METAP2: variants seen among roughly 807,000 people sequenced by gnomAD.
The protein encoded by METAP2 is methionine aminopeptidase 2.
In METAP2, 25 loss-of-function variants were observed where a neutral mutation model predicts 59.4. That is an observed-to-expected ratio of 0.42 (90% CI 0.31 to 0.59). The LOEUF is 0.59. METAP2 is among the 20% of genes least tolerant of loss of function. The pLI, the probability that METAP2 is intolerant of heterozygous loss-of-function variation, is 0.16. For synonymous variants in METAP2, 214 were observed against 194.1 expected (o/e 1.10, Z -0.85); for missense variants, 366 against 581.2 (o/e 0.63, Z 3.81).
At chr12:95,511,786 C>T (rs1385930479) in intron 8 of METAP2, 109 bp from the exon 9 acceptor site, 6 of 663,436 alleles carry the variant, frequency 9.0e-6, no homozygotes, top group Non-Finnish European at 1.5e-5. Flanking sequence ...TTTAGTAAAG[C>T]CATACCTGGT....
chr12:95,476,360 A>C (rs1194873201), intron 2 of METAP2, among the ~76,000 whole-genome samples, 182 bp downstream of exon 2: 1 of 151,944 alleles, frequency 6.6e-6, no homozygotes, highest in Non-Finnish European at 1.5e-5. Flanking sequence ...GACAAAAAAA[A>C]ATTTAGCCGG....
rs1555193391 is a variant in METAP2, at chr12:95,511,356, G to GTATTTCT, written c.965-537_965-531dup. Among the ~76,000 whole-genome samples the GTATTTCT allele has an allele frequency of 4.8e-5, 5 of 105,240 alleles. No individual in the cohort carries two copies. The Admixed American group carries it at 5.0e-4, about 11-fold the overall frequency. 69.0% of individuals were successfully genotyped at this position (105,240 alleles called of 152,430 possible). A position where few individuals can be genotyped will look rare whatever the true frequency, so the allele number is the denominator to read the frequency against. ...TGACCTCCCTTGTGCCCTTAATCCT[G>GTATTTCT]TATTTCTTTCTTCCATCCTCCCTTC... On this transcript the variant is annotated intron_variant, in intron 8 of 10. Transcript: ENST00000323666.
chr12:95,494,815 T>C lies in METAP2; in HGVS notation c.591-142T>C. On this transcript the variant is annotated intron_variant, in intron 5 of 10. Coordinates refer to ENST00000323666, the MANE Select transcript of METAP2 (RefSeq NM_006838.4). ...TAGCATCAGAGAACTGTTATTTATT[T>C]ATATTCAGAAAGTGCTCAGATCATT... The C allele has an allele frequency of 7.3e-6, 4 of 547,596 alleles. No homozygotes were observed. The South Asian group carries it at 1.6e-4, about 22-fold the overall frequency. The allele number at this position is 547,596 out of a possible 1,614,324, so 33.9% of individuals were successfully genotyped here. A position where few individuals can be genotyped will look rare whatever the true frequency, so the allele number is the denominator to read the frequency against.
chr12:95,493,058 C>T (rs1267883216), intron 4 of METAP2, among the ~76,000 whole-genome samples: 2 of 152,062 alleles, frequency 1.3e-5, no homozygotes, highest in Non-Finnish European at 2.9e-5. Flanking sequence ...CACTAAGTTG[C>T]AAACTGTATA....
intron 4 of METAP2, among the ~76,000 whole-genome samples, chr12:95,486,618 C>T (rs1412906845): frequency 2.0e-5 from 3 of 152,026 alleles, no homozygotes; most frequent in Non-Finnish European, 4.4e-5. Flanking sequence ...CTGCTCCAGC[C>T]TCCCGAGTAG....
At chr12:95,474,722 C>T (rs373038073) in intron 1 of METAP2, among the ~76,000 whole-genome samples, 2 of 152,166 alleles carry the variant, frequency 1.3e-5, no homozygotes, top group East Asian at 1.9e-4. Flanking sequence ...CGTATTGCCG[C>T]GTCTTTGCTG....
intron 8 of METAP2, among the ~76,000 whole-genome samples, chr12:95,505,866 G>A (rs2076355072): frequency 6.6e-6 from 1 of 151,724 alleles, no homozygotes. Flanking sequence ...AGGCCAAAGT[G>A]GGTGGGTCAC....
intron 8 of METAP2, 146 bp downstream of exon 8, chr12:95,504,307 G>A: frequency 1.7e-6 from 1 of 588,448 alleles, no homozygotes; most frequent in Non-Finnish European, 3.0e-6. Flanking sequence ...CATGGTAGGA[G>A]TAGTGTTGTA....
intron 1 of METAP2, 46 bp from the exon 2 acceptor site, chr12:95,476,024 GA>G: frequency 8.7e-7 from 1 of 1,147,472 alleles, no homozygotes; most frequent in Non-Finnish European, 1.3e-6. Context: ...ATTCTAGTGG[GA>G]AAGTGTCTGT....
chr12:95,486,294 G>GACA (rs2076196218), intron 4 of METAP2, among the ~76,000 whole-genome samples: 2 of 143,862 alleles, frequency 1.4e-5, no homozygotes, highest in African/African-American at 2.6e-5. Flanking sequence ...CCCCTCATAT[G>GACA]TATTCATAAT....
chr12:95,493,879 T>C (rs1470143474), intron 4 of METAP2, among the ~76,000 whole-genome samples, 177 bp from the exon 5 acceptor site: 1 of 152,270 alleles, frequency 6.6e-6, no homozygotes, highest in Admixed American at 6.5e-5. Context: ...AAAAAGTTTT[T>C]AATTTCATTT....
At chr12:95,491,269 C>T (rs548491308) in intron 4 of METAP2, among the ~76,000 whole-genome samples, 52 of 152,078 alleles carry the variant, frequency 3.4e-4, no homozygotes, top group African/African-American at 1.2e-3. Context: ...TTTTAATATC[C>T]ATTGATGATC....
chr12:95,486,043 G>A (rs556738635), intron 4 of METAP2, 62 bp downstream of exon 4: 2 of 1,173,866 alleles, frequency 1.7e-6, no homozygotes, highest in South Asian at 1.4e-5. Context: ...CAATAAAGCA[G>A]ATTTGACATT....
At chr12:95,486,215 A>G (rs901220330) in intron 4 of METAP2, among the ~76,000 whole-genome samples, 1 of 152,230 alleles carries the variant, frequency 6.6e-6, no homozygotes, top group African/African-American at 2.4e-5. Context: ...ATTCTTGTAG[A>G]TAAAGGTTAA....
At chr12:95,477,933 A>G (rs2076132200) in intron 2 of METAP2, among the ~76,000 whole-genome samples, 3 of 152,216 alleles carry the variant, frequency 2.0e-5, no homozygotes, top group African/African-American at 7.2e-5. Context: ...CTTCACAAGA[A>G]AATGTTTTGT....
intron 7 of METAP2, 28 bp downstream of exon 7, chr12:95,496,126 TC>T: frequency 2.1e-6 from 3 of 1,434,976 alleles, no homozygotes; most frequent in Non-Finnish European, 1.9e-6. Flanking sequence ...ACCATTTCAT[TC>T]CCAATATTTT....
chr12:95,503,719 G>A (rs2076334153), intron 7 of METAP2, among the ~76,000 whole-genome samples: 2 of 152,230 alleles, frequency 1.3e-5, no homozygotes. Flanking sequence ...GGAACGGTAT[G>A]TAGCAGTGCT....
intron 8 of METAP2, among the ~76,000 whole-genome samples, chr12:95,507,813 G>A (rs1470192016): frequency 7.0e-6 from 1 of 143,272 alleles, no homozygotes; most frequent in Admixed American, 7.1e-5. Flanking sequence ...TTTTGCTCTT[G>A]TTGCCCAGGC....
rs752268381 is a variant in METAP2, at chr12:95,513,790, A to G, written c.1323A>G (p.Val441=). ...AGAATCTGTGTGACTTGGGCATTGT[A>G]GATCCATATCCACCATTATGTGACA... ...ALKNLCDLGI[V]DPYPPLCDIK... Residue 441 remains valine, a synonymous_variant, in exon 11 of 11, where the codon GTA becomes GTG. Transcript: ENST00000323666. 1.2e-6 allele frequency: 2 copies of G among 1,614,248 alleles called. No homozygotes were observed. Among genetic ancestry groups the G allele is most frequent in the South Asian group, 2.2e-5 (2 of 91,084 alleles).
Sources: gnomAD v4.1 joint callset for allele counts (sites outside exome capture counted in the v4.1 genomes callset) on GRCh38, gnomAD v4.1.1 for gene constraint, MANE v1.5 for transcripts, NCBI Gene and HGNC (gene_info 2026-07-23, HGNC 2026-07-21) for gene names.